IFT140: variants seen among roughly 807,000 people sequenced by gnomAD.
IFT140 encodes intraflagellar transport 140, also known as intraflagellar transport protein 140 homolog.
IFT140 carries 133 observed loss-of-function variants against 164.6 expected under a neutral mutation model. The observed-to-expected ratio is 0.81, with a 90% confidence interval of 0.70 to 0.93. The LOEUF (loss-of-function observed/expected upper bound fraction) is 0.93, where lower values mean the gene tolerates loss of function less well. IFT140 is among the 40% of genes least tolerant of loss of function. The pLI is 0.00. For missense variants in IFT140, 2,045 were observed against 1,972.3 expected (o/e 1.04, Z -0.70); for synonymous variants, 860 against 817.3 (o/e 1.05, Z -0.89).
chr16:1,602,210 C>T, intron 4 of IFT140, 160 bp downstream of exon 4: 1 of 688,018 alleles, frequency 1.5e-6, no homozygotes, highest in Middle Eastern at 3.2e-4. Flanking sequence ...GGCAAATTTT[C>T]AAGCCTTGCT....
In IFT140 at chr16:1,567,866, G is replaced by A. The variant is rs1366793008; in HGVS notation, c.1770+351C>T. On this transcript the variant is annotated intron_variant, in intron 15 of 30. Coordinates refer to ENST00000426508, the MANE Select transcript of IFT140 (RefSeq NM_014714.4). ...CTCTCCAACAGTCCTGTGCCTCCTC[G>A]CGTGCCAAAGAAAACTGAGTGGGAT... is the stretch of plus-strand genomic sequence containing the variant. Among the ~76,000 whole-genome samples the A allele has an allele frequency of 3.9e-5, 6 of 152,292 alleles. No individual in the cohort carries two copies. The East Asian group carries it at 5.8e-4, about 15-fold the overall frequency.
chr16:1,553,868 G>C lies in IFT140; in HGVS notation c.2399+4067C>G, dbSNP rs2032877920. On this transcript the variant is annotated intron_variant, in intron 19 of 30. Transcript: ENST00000426508. The surrounding 1 kb of genome is among the most constrained non-coding windows in gnomAD (Gnocchi z 4.4). ...CAGTGTCCTGTTATCCTAGTTGGTA[G>C]ACTCTAGTCACGAAACCCTGATTTT... 2 of 1,245,446 alleles carry C rather than the reference G, an allele frequency of 1.6e-6. No homozygotes were observed. Among genetic ancestry groups the C allele is most frequent in the Admixed American group, 2.6e-5 (1 of 38,768 alleles). The allele number at this position is 1,245,446 out of a possible 1,614,324, so 77.1% of individuals were successfully genotyped here.
chr16:1,540,985 T>G (rs1400828631), intron 19 of IFT140: 1 of 985,240 alleles, frequency 1.0e-6, no homozygotes, highest in Non-Finnish European at 1.2e-6. Context: ...ACCACCTCAT[T>G]TGGGCCCCTG....
chr16:1,587,213 AAC>A lies in IFT140; in HGVS notation c.992_993del (p.Cys331LeufsTer3). 1 of 1,608,310 alleles carries A rather than the reference AAC, an allele frequency of 6.2e-7. No homozygotes were observed. Among genetic ancestry groups the A allele is most frequent in the Non-Finnish European group, 8.5e-7 (1 of 1,174,768 alleles). On this transcript the variant is annotated frameshift_variant, in exon 9 of 31. Coordinates refer to ENST00000426508, the MANE Select transcript of IFT140 (RefSeq NM_014714.4). LOFTEE classifies it high-confidence loss of function. ...GAAGCCTCACCTTTGACTTTACAGT[AAC>A]ACACACAGTTCATATTCTCTCCTTT... ...FEKGENMNCV[C>X]YCKVKGLLAA...
At chr16:1,566,036 T>G in intron 16 of IFT140, 125 bp downstream of exon 16, 2 of 831,074 alleles carry the variant, frequency 2.4e-6, no homozygotes, top group South Asian at 3.2e-5. Flanking sequence ...TTCCTCTTTC[T>G]TTTTCCTACT....
At chr16:1,554,705 T>C in intron 19 of IFT140, 1 of 1,578,326 alleles carries the variant, frequency 6.3e-7, no homozygotes, top group Non-Finnish European at 8.6e-7. Context: ...GAACCTGCTC[T>C]AGGACAGAGG....
At chr16:1,569,471 CTCCT>C (rs1326467396) in intron 14 of IFT140, among the ~76,000 whole-genome samples, 1 of 129,078 alleles carries the variant, frequency 7.7e-6, no homozygotes, top group Non-Finnish European at 1.6e-5. Flanking sequence ...CTTCCCTTCT[CTCCT>C]TCCTTCTTTC....
chr16:1,571,641 G>A, intron 13 of IFT140, 107 bp from the exon 14 acceptor site: 3 of 1,232,490 alleles, frequency 2.4e-6, no homozygotes, highest in Non-Finnish European at 3.4e-6. Context: ...GTGAGTTACT[G>A]AACATTGTTC....
chr16:1,584,122 T>C, intron 11 of IFT140, 95 bp downstream of exon 11: 2 of 1,026,706 alleles, frequency 1.9e-6, no homozygotes, highest in Middle Eastern at 3.0e-4. Flanking sequence ...GAGAGTGGCC[T>C]AACCTGCCAT....
chr16:1,576,529 T>C (rs2034284903), intron 13 of IFT140, among the ~76,000 whole-genome samples: 1 of 151,066 alleles, frequency 6.6e-6, no homozygotes, highest in South Asian at 2.1e-4. Flanking sequence ...GAGGCGGAGC[T>C]TGCAGTGAGC....
chr16:1,529,266 CAGG>C (rs958006520), intron 19 of IFT140, among the ~76,000 whole-genome samples: 3 of 152,204 alleles, frequency 2.0e-5, no homozygotes, highest in African/African-American at 7.2e-5. Context: ...TGCCTGGAGC[CAGG>C]AGAGGGTGTG....
chr16:1,569,310 G>C (rs1019991837), intron 14 of IFT140, among the ~76,000 whole-genome samples: 3 of 152,004 alleles, frequency 2.0e-5, no homozygotes, highest in Admixed American at 2.0e-4. Flanking sequence ...GCTCGGCCGT[G>C]GAATTCTTTT....
intron 12 of IFT140, among the ~76,000 whole-genome samples, chr16:1,581,732 AGGAGCGGGGGAGGGGAGG>A (rs1400466101): frequency 9.2e-6 from 1 of 109,152 alleles, no homozygotes; most frequent in African/African-American, 3.5e-5. Context: ...AGGGGAGGGG[AGGAGCGGGGGAGGGGAGG>A]GGAGCGGGGG....
At chr16:1,581,881 A>C (rs78488822) in intron 12 of IFT140, among the ~76,000 whole-genome samples, 9 of 151,194 alleles carry the variant, frequency 6.0e-5, no homozygotes, top group African/African-American at 2.2e-4. Context: ...GAAAAATGTT[A>C]TGAGAGAACT....
At position 1,553,182 on chromosome 16, in the gene IFT140, G is replaced by GTC. The variant is rs1215018267; in HGVS notation, c.2399+4751_2399+4752dup. On this transcript the variant is annotated intron_variant, in intron 19 of 30. Transcript: ENST00000426508. The surrounding 1 kb of genome is among the most constrained non-coding windows in gnomAD (Gnocchi z 4.4). Reference sequence around the variant, plus strand: ...GCTGGTTACCCATCTCTTGCTCTCTGTCTCTCCTTCCCTGTGTCTCTGTCT... The same window carrying GTC: ...GCTGGTTACCCATCTCTTGCTCTCTGTCTCTCTCCTTCCCTGTGTCTCTGTCT... 2 of 985,094 alleles carry GTC rather than the reference G, an allele frequency of 2.0e-6. No individual in the cohort carries two copies. Among genetic ancestry groups the GTC allele is most frequent in the Non-Finnish European group, 2.4e-6 (2 of 829,682 alleles). 61.0% of individuals were successfully genotyped at this position (985,094 alleles called of 1,614,324 possible).
intron 1 of IFT140, among the ~76,000 whole-genome samples, chr16:1,611,674 T>C (rs140214877): frequency 1.3e-3 from 190 of 147,418 alleles, no homozygotes; most frequent in African/African-American, 4.6e-3. Flanking sequence ...AATTAGCGAG[T>C]ATGGTGGCGC....
rs147544580 is a variant in IFT140, at chr16:1,579,748, C to G, written c.1524+1011G>C. On this transcript the variant is annotated intron_variant, in intron 13 of 30. Coordinates refer to ENST00000426508, the MANE Select transcript of IFT140 (RefSeq NM_014714.4). The stretch of plus-strand genomic sequence containing the variant: ...TTGGGAGGCCAAGGTAGGCAGATCA[C>G]GAGGTCAGGAGTTCGAGATCAGCCT... Among the ~76,000 whole-genome samples, 848 of 152,184 alleles carry G rather than the reference C, an allele frequency of 5.6e-3. 3 individuals are homozygous for G. Among genetic ancestry groups the G allele is most frequent in the African/African-American group, 0.019 (800 of 41,526 alleles).
intron 18 of IFT140, among the ~76,000 whole-genome samples, chr16:1,559,953 A>C (rs2033314300): frequency 6.6e-6 from 1 of 152,214 alleles, no homozygotes; most frequent in Non-Finnish European, 1.5e-5. Flanking sequence ...CGCATGCGGG[A>C]AGGTGAGAAA....
rs776522454 is a variant in IFT140, at chr16:1,519,895, G to A, written c.4026C>T (p.Phe1342=). Residue 1342 remains phenylalanine, a synonymous_variant, in exon 29 of 31, where the codon TTC becomes TTT. Coordinates refer to ENST00000426508, the MANE Select transcript of IFT140 (RefSeq NM_014714.4). ...CGGGGGCACACCTGCGGGCCTGGAT[G>A]AACCTCTTCACCAGTGCCATCCTGC... The part of the protein sequence containing the change: ...LQSRMALVKR[F]IQARRTYTED... 3 of 1,557,380 alleles carry A rather than the reference G, an allele frequency of 1.9e-6. No individual in the cohort carries two copies. Among genetic ancestry groups the A allele is most frequent in the Non-Finnish European group, 2.6e-6 (3 of 1,154,468 alleles).
Sources: gnomAD v4.1 joint callset for allele counts (sites outside exome capture counted in the v4.1 genomes callset) on GRCh38, gnomAD v4.1.1 for gene constraint, Gnocchi (gnomAD v3.1) non-coding constraint, MANE v1.5 for transcripts, NCBI Gene and HGNC (gene_info 2026-07-23, HGNC 2026-07-21) for gene names.